The following SGCZ variants were observed in gnomAD, a reference collection of about 807,000 sequenced individuals.
The protein encoded by SGCZ is zeta-sarcoglycan.
Under a neutral mutation model 41.3 loss-of-function variants are expected in SGCZ, and 40 were observed. The ratio of observed to expected loss-of-function variants is 0.97; its 90% CI spans 0.75 to 1.26. The LOEUF is 1.26. Among genes scored for constraint, SGCZ ranks in the 50% most tolerant of loss-of-function variants. SGCZ has a pLI of 0.00. For missense variants in SGCZ, 552 were observed against 369.8 expected, an observed-to-expected ratio of 1.49 and a Z score of -4.04; for synonymous variants, 206 against 137.5, an observed-to-expected ratio of 1.50 and a Z score of -3.49.
At chr8:14,382,116 T>C (rs1325307927) in intron 2 of SGCZ, among the ~76,000 whole-genome samples, 1 of 151,598 alleles carries the variant, frequency 6.6e-6, no homozygotes, top group Non-Finnish European at 1.5e-5. Context: ...TACACACTGA[T>C]GAAAGGGACC....
chr8:14,119,003 C>G (rs1224068791), intron 5 of SGCZ, among the ~76,000 whole-genome samples: 1 of 152,132 alleles, frequency 6.6e-6, no homozygotes, highest in East Asian at 1.9e-4. Flanking sequence ...CATGATCCCT[C>G]CAGCTTTGTT....
rs192622779 is a variant in SGCZ at position 14,220,230 on chromosome 8, T to C, written c.424+17362A>G. Among the ~76,000 whole-genome samples, 224 of 152,272 alleles carry C rather than the reference T, an allele frequency of 1.5e-3. 3 individuals are homozygous for C. The East Asian group carries it at 0.032, about 22-fold the overall frequency. On this transcript the variant is annotated intron_variant, in intron 4 of 7. Coordinates refer to ENST00000382080, the MANE Select transcript of SGCZ (RefSeq NM_139167.4). ...ACTGAAAACTTCAATAGGAGTAGAA[T>C]GGATAAATTGTAGTGTATTTATGAA...
At chr8:14,295,207 T>C (rs1800968863) in intron 3 of SGCZ, among the ~76,000 whole-genome samples, 1 of 152,132 alleles carries the variant, frequency 6.6e-6, no homozygotes, top group South Asian at 2.1e-4. Flanking sequence ...GTGAAATGAA[T>C]AGGAAACTCT....
rs1801593611 is a variant in SGCZ at position 14,088,486 on chromosome 8, C to G, written c.*1957G>C. On this transcript the variant is annotated 3_prime_UTR_variant, in exon 8 of 8. Coordinates refer to ENST00000382080, the MANE Select transcript of SGCZ (RefSeq NM_139167.4). ...ATAGTGATTAGCACACATAATTTCTCAATATTTCTTGTATTATACTTTATT... is the reference window on the plus strand; with the variant it reads ...ATAGTGATTAGCACACATAATTTCTGAATATTTCTTGTATTATACTTTATT... Among the ~76,000 whole-genome samples, 1 of 151,744 alleles carries G rather than the reference C, an allele frequency of 6.6e-6. No homozygotes were observed. The highest frequency in any genetic ancestry group is 2.4e-5 in the African/African-American group (1 of 41,376).
chr8:14,108,189 G>A lies in SGCZ; in HGVS notation c.594C>T (p.Ile198=), dbSNP rs369455237. 3.7e-6 allele frequency: 6 copies of A among 1,614,102 alleles called. No individual in the cohort carries two copies. Among genetic ancestry groups the A allele is most frequent in the Admixed American group, 1.7e-5 (1 of 60,012 alleles). The change falls in exon 6 of 8, where the codon ATC becomes ATT. Residue 198 remains isoleucine, a synonymous_variant. Transcript: ENST00000382080. ...TGAGATCTTGGGATGGCTCTGCTCT[G>A]ATGTGCGGCGTCTCCACAGAGTGCC... ...VFGHSVETPH[I]RAEPSQDLRL...
intron 1 of SGCZ, among the ~76,000 whole-genome samples, chr8:14,796,943 T>G (rs997968225): frequency 1.6e-4 from 25 of 152,296 alleles, no homozygotes; most frequent in African/African-American, 5.5e-4. Flanking sequence ...AAGAGGTGAC[T>G]TCTGCCATGA....
chr8:14,146,548 T>C (rs565248794), intron 5 of SGCZ, among the ~76,000 whole-genome samples: 1 of 152,240 alleles, frequency 6.6e-6, no homozygotes, highest in East Asian at 1.9e-4. Flanking sequence ...CAGAATATTA[T>C]AACACTGTAA....
At chr8:14,385,738 C>T (rs886559727) in intron 2 of SGCZ, among the ~76,000 whole-genome samples, 25 of 151,860 alleles carry the variant, frequency 1.6e-4, no homozygotes, top group Admixed American at 1.5e-3. Flanking sequence ...ACCAACCAAA[C>T]AAAAACAAAA....
At chr8:14,314,275 A>G (rs1054309812) in intron 3 of SGCZ, among the ~76,000 whole-genome samples, 1 of 142,686 alleles carries the variant, frequency 7.0e-6, no homozygotes, top group African/African-American at 2.5e-5. Flanking sequence ...AGGGTCTTCT[A>G]TCATAGTATT....
chr8:15,071,977 G>A (rs749562891), intron 1 of SGCZ, among the ~76,000 whole-genome samples: 3 of 152,142 alleles, frequency 2.0e-5, no homozygotes, highest in African/African-American at 4.8e-5. Context: ...TCATGACTGG[G>A]AACGACTTGC....
At chr8:15,005,328 C>CTTTTTTTTTTTTTTT (rs10603664) in intron 1 of SGCZ, among the ~76,000 whole-genome samples, 3 of 78,722 alleles carry the variant, frequency 3.8e-5, no homozygotes, top group Admixed American at 1.4e-4. Flanking sequence ...TTTTCTTTTT[C>CTTTTTTTTTTTTTTT]TTTTTTTTTT....
chr8:14,902,179 G>T (rs1055037838), intron 1 of SGCZ, among the ~76,000 whole-genome samples: 10 of 152,068 alleles, frequency 6.6e-5, no homozygotes, highest in Non-Finnish European at 1.0e-4. Flanking sequence ...TTTCTGGAGG[G>T]TTCATTCTGG....
chr8:14,831,424 G>A (rs906338995), intron 1 of SGCZ, among the ~76,000 whole-genome samples: 2 of 152,130 alleles, frequency 1.3e-5, no homozygotes, highest in Non-Finnish European at 1.5e-5. Context: ...AGCCTTTCCT[G>A]CTGTCTCCTG....
At chr8:14,185,061 G>A (rs576935383) in intron 4 of SGCZ, among the ~76,000 whole-genome samples, 1 of 152,146 alleles carries the variant, frequency 6.6e-6, no homozygotes, top group Non-Finnish European at 1.5e-5. Flanking sequence ...AAATGCTTTA[G>A]TTATGTATTT....
At chr8:14,703,120 G>A (rs183756686) in intron 1 of SGCZ, among the ~76,000 whole-genome samples, 1 of 152,008 alleles carries the variant, frequency 6.6e-6, no homozygotes, top group Non-Finnish European at 1.5e-5. Flanking sequence ...TTCTTTTAAA[G>A]ATACATCACA....
chr8:14,874,394 CT>C (rs1267286991), intron 1 of SGCZ, among the ~76,000 whole-genome samples: 1 of 152,002 alleles, frequency 6.6e-6, no homozygotes, highest in Non-Finnish European at 1.5e-5. Context: ...ACAAGCACAA[CT>C]TTGTAGATTA....
intron 3 of SGCZ, among the ~76,000 whole-genome samples, chr8:14,266,054 T>C (rs1277425449): frequency 6.6e-6 from 1 of 152,076 alleles, no homozygotes; most frequent in Non-Finnish European, 1.5e-5. Context: ...GTAGAAGACA[T>C]ATTCAAAGAG....
chr8:14,103,757 A>G (rs969921143), intron 6 of SGCZ, among the ~76,000 whole-genome samples: 1 of 152,068 alleles, frequency 6.6e-6, no homozygotes, highest in Non-Finnish European at 1.5e-5. Context: ...GAATGTGTCT[A>G]TTTTTAAGAA....
chr8:14,553,369 C>G (rs1195372271), intron 2 of SGCZ, among the ~76,000 whole-genome samples: 1 of 152,064 alleles, frequency 6.6e-6, no homozygotes, highest in African/African-American at 2.4e-5. Context: ...GGCCTCATGC[C>G]TTGATCCCTG....
Sources: allele counts gnomAD v4.1 joint callset (sites outside exome capture counted in the v4.1 genomes callset), GRCh38; gene constraint gnomAD v4.1.1; transcripts MANE v1.5; gene names NCBI Gene and HGNC (gene_info 2026-07-23, HGNC 2026-07-21).